The following FBXL7 variants were observed in gnomAD, a reference collection of about 807,000 sequenced individuals.
FBXL7 encodes the protein F-box and leucine rich repeat protein 7.
In FBXL7, 12 loss-of-function variants were observed where a neutral mutation model predicts 38.3. The observed-to-expected ratio is 0.31, with a 90% CI of 0.20 to 0.51. FBXL7 has a LOEUF of 0.51. FBXL7 is among the 20% of genes least tolerant of loss of function. FBXL7 has a pLI of 0.98. For missense variants in FBXL7, 567 were observed against 676.4 expected (o/e 0.84, Z 1.79); for synonymous variants, 297 against 300.9 (o/e 0.99, Z 0.13).
At chr5:15,802,644 C>T (rs1043869727) in intron 2 of FBXL7, among the ~76,000 whole-genome samples, 8 of 151,522 alleles carry the variant, frequency 5.3e-5, no homozygotes, top group Non-Finnish European at 8.8e-5. Context: ...CTCTCAGCAC[C>T]ACCACATCAT....
At chr5:15,881,789 A>G (rs1183354285) in intron 2 of FBXL7, among the ~76,000 whole-genome samples, 2 of 152,234 alleles carry the variant, frequency 1.3e-5, no homozygotes, top group African/African-American at 4.8e-5. Flanking sequence ...AAGGGCAAAC[A>G]TATTCATTTG....
At chr5:15,662,756 A>G (rs1742130455) in intron 2 of FBXL7, among the ~76,000 whole-genome samples, 1 of 152,104 alleles carries the variant, frequency 6.6e-6, no homozygotes, top group South Asian at 2.1e-4. Flanking sequence ...TTGAATGTGG[A>G]GTCTTTTCCC....
intron 2 of FBXL7, among the ~76,000 whole-genome samples, chr5:15,824,453 G>GC (rs1738256767): frequency 6.6e-6 from 1 of 151,910 alleles, no homozygotes; most frequent in Non-Finnish European, 1.5e-5. Context: ...GTTTTTGTTT[G>GC]TTTGCTTTGC....
At chr5:15,860,086 T>G (rs1293066422) in intron 2 of FBXL7, among the ~76,000 whole-genome samples, 2 of 152,194 alleles carry the variant, frequency 1.3e-5, no homozygotes, top group African/African-American at 4.8e-5. Flanking sequence ...CCATTGAATA[T>G]TTATATCTAG....
chr5:15,815,433 T>C (rs1171036516), intron 2 of FBXL7, among the ~76,000 whole-genome samples: 3 of 152,214 alleles, frequency 2.0e-5, no homozygotes, highest in Admixed American at 6.5e-5. Context: ...TTAGCAACTT[T>C]TCCTAAACTA....
In FBXL7 at chr5:15,928,014, G is replaced by T. The variant is rs369426642; in HGVS notation, c.252G>T (p.Thr84=). The part of the protein sequence containing the change: ...STSSSSITGE[T]VAMVHSPPPT... ...CCTCGTCCTCCATCACCGGGGAGAC[G>T]GTGGCCATGGTGCACTCCCCGCCCC... Residue 84 remains threonine, a synonymous_variant, in exon 3 of 4, where the codon ACG becomes ACT. Transcript: ENST00000504595. This position sits in a 1 kb window ranked among gnomAD's most constrained non-coding sequence, Gnocchi z 4.0. 6.2e-6 allele frequency: 10 copies of T among 1,604,038 alleles called. No homozygotes were observed. Among genetic ancestry groups the T allele is most frequent in the Non-Finnish European group, 8.5e-6 (10 of 1,173,724 alleles).
chr5:15,629,560 A>G (rs1314538194), intron 2 of FBXL7, among the ~76,000 whole-genome samples: 2 of 152,176 alleles, frequency 1.3e-5, no homozygotes, highest in African/African-American at 4.8e-5. Flanking sequence ...AAATATGCCC[A>G]GACATGCACA....
At chr5:15,695,632 C>G (rs2126627710) in intron 2 of FBXL7, among the ~76,000 whole-genome samples, 1 of 152,216 alleles carries the variant, frequency 6.6e-6, no homozygotes, top group Admixed American at 6.5e-5. Flanking sequence ...TGGATTTCTC[C>G]CTGTGTGTCA....
At chr5:15,609,637 G>A (rs945900387) in intron 1 of FBXL7, among the ~76,000 whole-genome samples, 3 of 152,282 alleles carry the variant, frequency 2.0e-5, no homozygotes, top group Middle Eastern at 3.4e-3. Flanking sequence ...ACTCCCTAAG[G>A]CAAGCCCCCA....
chr5:15,740,945 G>A (rs1735880218), intron 2 of FBXL7, among the ~76,000 whole-genome samples: 1 of 152,108 alleles, frequency 6.6e-6, no homozygotes, highest in Non-Finnish European at 1.5e-5. Flanking sequence ...ATGACATAAA[G>A]AATGTAGTTG....
intron 1 of FBXL7, among the ~76,000 whole-genome samples, chr5:15,574,296 T>A (rs925680081): frequency 6.6e-6 from 1 of 152,192 alleles, no homozygotes; most frequent in Non-Finnish European, 1.5e-5. Flanking sequence ...ATAGATAAAA[T>A]ATGCTTTAAC....
chr5:15,849,777 A>G (rs1475025895), intron 2 of FBXL7, among the ~76,000 whole-genome samples: 3 of 152,236 alleles, frequency 2.0e-5, no homozygotes, highest in Non-Finnish European at 2.9e-5. Flanking sequence ...AATGATTCAT[A>G]CTATTATGAC....
At chr5:15,834,766 T>C (rs1189162404) in intron 2 of FBXL7, among the ~76,000 whole-genome samples, 1 of 152,228 alleles carries the variant, frequency 6.6e-6, no homozygotes, top group Non-Finnish European at 1.5e-5. Context: ...TCTCATTTCC[T>C]TTTCTTTCAG....
intron 2 of FBXL7, among the ~76,000 whole-genome samples, chr5:15,687,708 C>G (rs10058239): frequency 1 from 152,365 of 152,366 alleles, 76,182 homozygotes; most frequent in Non-Finnish European, 1. Context: ...GGAAATGCTT[C>G]TGTTCCACTT....
At chr5:15,680,180 GA>G in intron 2 of FBXL7, among the ~76,000 whole-genome samples, 1 of 152,230 alleles carries the variant, frequency 6.6e-6, no homozygotes, top group Admixed American at 6.5e-5. Context: ...CATGTACATT[GA>G]AAAAGGCAGC....
intron 2 of FBXL7, among the ~76,000 whole-genome samples, chr5:15,713,933 T>A (rs745871832): frequency 1.1e-4 from 16 of 152,332 alleles, no homozygotes; most frequent in South Asian, 2.1e-4. Flanking sequence ...AAACAAATTA[T>A]TTAACATATT....
chr5:15,513,794 T>A (rs550931268), intron 1 of FBXL7, among the ~76,000 whole-genome samples: 3 of 152,260 alleles, frequency 2.0e-5, no homozygotes, highest in African/African-American at 7.2e-5. Flanking sequence ...ATGTATATTG[T>A]GCATACTGCT....
intron 2 of FBXL7, among the ~76,000 whole-genome samples, chr5:15,892,933 G>A (rs1008652695): frequency 6.6e-5 from 10 of 152,040 alleles, no homozygotes; most frequent in African/African-American, 1.4e-4. Context: ...CTGGCTAACA[G>A]GGTGAAACCC....
intron 2 of FBXL7, among the ~76,000 whole-genome samples, chr5:15,677,906 A>G (rs1304280242): frequency 6.6e-6 from 1 of 152,142 alleles, no homozygotes; most frequent in Non-Finnish European, 1.5e-5. Context: ...CATGTCCTAA[A>G]AAAGGTGACA....
Sources: gnomAD v4.1 joint callset for allele counts (sites outside exome capture counted in the v4.1 genomes callset) on GRCh38, gnomAD v4.1.1 for gene constraint, Gnocchi (gnomAD v3.1) non-coding constraint, MANE v1.5 for transcripts, NCBI Gene and HGNC (gene_info 2026-07-23, HGNC 2026-07-21) for gene names.